Variants in SYNJ2 observed in about 807,000 individuals in gnomAD.
SYNJ2 encodes the protein synaptojanin 2, also known as polyphosphatidylinositol phosphatase SYNJ2.
SYNJ2 carries 116 observed loss-of-function variants against 141.3 expected under a neutral mutation model. The ratio of observed to expected loss-of-function variants is 0.82; its 90% CI spans 0.71 to 0.96. The LOEUF (loss-of-function observed/expected upper bound fraction) is 0.96, where lower values mean the gene tolerates loss of function less well. Ranked by LOEUF, SYNJ2 falls within the 40% of genes least tolerant of loss-of-function variation. The pLI is 0.00. For synonymous variants in SYNJ2, 745 were observed against 777.7 expected, an observed-to-expected ratio of 0.96 and a Z score of 0.70; for missense variants, 1,873 against 1,934.8, an observed-to-expected ratio of 0.97 and a Z score of 0.60.
chr6:158,049,813 C>T (rs557583065), intron 5 of SYNJ2, among the ~76,000 whole-genome samples: 88 of 150,246 alleles, frequency 5.9e-4, no homozygotes, highest in African/African-American at 2.1e-3. Context: ...GGTGGGGACA[C>T]GGCTCTGCAG....
chr6:158,076,017 T>A (rs1782261753), intron 16 of SYNJ2, among the ~76,000 whole-genome samples: 1 of 152,040 alleles, frequency 6.6e-6, no homozygotes, highest in African/African-American at 2.4e-5. Context: ...ATAGGGAGAC[T>A]TTGTCTCTAC....
chr6:158,046,066 A>G (rs1780220449), intron 5 of SYNJ2, among the ~76,000 whole-genome samples: 1 of 152,008 alleles, frequency 6.6e-6, no homozygotes, highest in Non-Finnish European at 1.5e-5. Context: ...CCTCAGCCTC[A>G]CAAGTAGCTG....
chr6:158,080,479 T>TA lies in SYNJ2; in HGVS notation c.2568-613dup, dbSNP rs61208089. On this transcript the variant is annotated intron_variant, in intron 18 of 26. Coordinates refer to ENST00000355585, the MANE Select transcript of SYNJ2 (RefSeq NM_003898.4). The stretch of plus-strand genomic sequence containing the variant: ...AACAGAGGGAGACTCTGACTCAAAA[T>TA]AAAAAAAAAAAAAAAAACGAGCATT... Among the ~76,000 whole-genome samples, 957 of 121,410 alleles carry TA rather than the reference T, an allele frequency of 7.9e-3. 7 individuals carry two copies. Among genetic ancestry groups the TA allele is most frequent in the East Asian group, 0.032 (137 of 4,344 alleles). The allele number at this position is 121,410 out of a possible 152,430, so 79.6% of individuals were successfully genotyped here.
In SYNJ2 at chr6:158,081,125, G is replaced by T; in HGVS notation, c.2584G>T (p.Val862Leu). The T allele has an allele frequency of 6.2e-7, 1 of 1,613,994 alleles. No homozygotes were observed. Among genetic ancestry groups the T allele is most frequent in the Non-Finnish European group, 8.5e-7 (1 of 1,180,028 alleles). ...CTAACGCAGACCTGTGCTGGCGATC[G>T]TGGAGGTGGAAGTTCAGGAAGTCGA... ...ASDHRPVLAI[V>L]EVEVQEVDVG... Residue 862 changes from valine to leucine, a missense_variant, in exon 19 of 27, where the codon GTG becomes TTG. By Grantham distance (32) the Val-to-Leu change is conservative. Transcript: ENST00000355585.
At chr6:158,077,041 G>T (rs1782345577) in intron 17 of SYNJ2, among the ~76,000 whole-genome samples, 1 of 151,248 alleles carries the variant, frequency 6.6e-6, no homozygotes, top group Non-Finnish European at 1.5e-5. Context: ...TGTTGCCTAG[G>T]CTGGAGTGCA....
At chr6:158,050,099 C>T (rs973772144) in intron 5 of SYNJ2, among the ~76,000 whole-genome samples, 2 of 149,316 alleles carry the variant, frequency 1.3e-5, no homozygotes, top group Admixed American at 1.3e-4. Context: ...CACATGGCCC[C>T]TGGAGCTGTC....
At chr6:158,006,821 T>C (rs891389992) in intron 1 of SYNJ2, among the ~76,000 whole-genome samples, 3 of 152,074 alleles carry the variant, frequency 2.0e-5, no homozygotes, top group Non-Finnish European at 4.4e-5. Flanking sequence ...TACAGGCGCA[T>C]GCCACCACAC....
chr6:158,063,778 T>C lies in SYNJ2; in HGVS notation c.1128-13T>C, dbSNP rs1176784842. 6.2e-7 allele frequency: 1 copy of C among 1,611,108 alleles called. No homozygotes were observed. The highest frequency in any genetic ancestry group is 1.3e-5 in the African/African-American group (1 of 74,828). ...AACAACATATAACCGTTTACATTTCTTCTTGTCCTAAGTTTTCAGAAAGGC... is the reference window on the plus strand; with the variant it reads ...AACAACATATAACCGTTTACATTTCCTCTTGTCCTAAGTTTTCAGAAAGGC... On this transcript the variant is annotated splice_polypyrimidine_tract_variant and intron_variant, in intron 8 of 26. Transcript: ENST00000355585.
rs570502612 is a variant in SYNJ2, at chr6:158,090,881, T to C, written c.3565+934T>C. On this transcript the variant is annotated intron_variant, in intron 25 of 26. Transcript: ENST00000355585. The stretch of plus-strand genomic sequence containing the variant: ...TTAAAAAGGTGTAAGCAATCACCAT[T>C]GCTTAATTTGCTTTTAGTCAGCATG... 2.6e-5 allele frequency among the ~76,000 whole-genome samples: 4 copies of C among 152,206 alleles called. No individual in the cohort carries two copies. The South Asian group carries it at 6.2e-4, about 24-fold the overall frequency.
chr6:158,066,765 T>A (rs550943976), intron 12 of SYNJ2, 130 bp downstream of exon 12: 1 of 1,070,182 alleles, frequency 9.3e-7, no homozygotes, highest in Non-Finnish European at 1.4e-6. Context: ...AATGTCTAAA[T>A]AGCACCATGG....
chr6:158,061,980 T>C lies in SYNJ2; in HGVS notation c.955-12T>C. 1.2e-6 allele frequency: 2 copies of C among 1,612,676 alleles called. No homozygotes were observed. The highest frequency in any genetic ancestry group is 1.7e-6 in the Non-Finnish European group (2 of 1,179,444). ...CTCTGCTCCCCTCACCGCCCTCCCC[T>C]CCTCTTTTCAGAAGCTGCTCTGGGC... On this transcript the variant is annotated splice_polypyrimidine_tract_variant and intron_variant, in intron 7 of 26. Transcript: ENST00000355585.
chr6:158,074,890 T>C, intron 16 of SYNJ2, 152 bp downstream of exon 16: 1 of 881,428 alleles, frequency 1.1e-6, no homozygotes, highest in Non-Finnish European at 1.7e-6. Flanking sequence ...GAGGTTACAG[T>C]ACAGGAGTGG....
intron 24 of SYNJ2, 116 bp downstream of exon 24, chr6:158,088,888 A>T: frequency 4.1e-6 from 3 of 726,928 alleles, no homozygotes; most frequent in South Asian, 3.5e-5. Flanking sequence ...CCTGCTCACC[A>T]TCTCATCTCC....
At chr6:158,082,403 C>CT (rs5881238) in intron 20 of SYNJ2, among the ~76,000 whole-genome samples, 80,756 of 148,726 alleles carry the variant, frequency 0.54, 22,340 homozygotes, top group African/African-American at 0.66. Context: ...AGGAGAATCA[C>CT]TTGAACCCAG....
At chr6:158,079,512 A>G (rs576182028) in intron 18 of SYNJ2, among the ~76,000 whole-genome samples, 2 of 151,604 alleles carry the variant, frequency 1.3e-5, no homozygotes, top group East Asian at 3.9e-4. Context: ...AGCTGGGATT[A>G]CAGGCGTGCA....
intron 26 of SYNJ2, among the ~76,000 whole-genome samples, chr6:158,095,416 C>G (rs1311720265): frequency 6.6e-6 from 1 of 152,136 alleles, no homozygotes; most frequent in Non-Finnish European, 1.5e-5. Context: ...GCTGGTGTGA[C>G]CTGATAAATG....
chr6:158,072,427 TA>T (rs1204774941), intron 15 of SYNJ2, among the ~76,000 whole-genome samples: 1 of 152,262 alleles, frequency 6.6e-6, no homozygotes. Context: ...GCAAAGATGC[TA>T]CCCGGGCACA....
intron 11 of SYNJ2, 97 bp from the exon 12 acceptor site, chr6:158,066,347 A>T: frequency 7.1e-7 from 1 of 1,402,484 alleles, no homozygotes; most frequent in Non-Finnish European, 9.9e-7. Context: ...GAGGCTCATG[A>T]ACCATCTGTC....
At chr6:158,022,142 G>A (rs1778810832) in intron 2 of SYNJ2, among the ~76,000 whole-genome samples, 1 of 152,216 alleles carries the variant, frequency 6.6e-6, no homozygotes, top group Non-Finnish European at 1.5e-5. Flanking sequence ...AGGGTCATCT[G>A]GCCGAAGCTT....
Sources: gnomAD v4.1 joint callset for allele counts (sites outside exome capture counted in the v4.1 genomes callset) on GRCh38, gnomAD v4.1.1 for gene constraint, MANE v1.5 for transcripts, NCBI Gene and HGNC (gene_info 2026-07-23, HGNC 2026-07-21) for gene names.